Variants in ARHGEF28 observed in about 807,000 individuals in gnomAD.
The protein encoded by ARHGEF28 is Rho guanine nucleotide exchange factor 28, also known as 190 kDa guanine nucleotide exchange factor.
ARHGEF28 carries 152 observed loss-of-function variants against 206.6 expected under a neutral mutation model. That is an observed-to-expected ratio of 0.74 (90% CI 0.64 to 0.84). ARHGEF28 has a LOEUF of 0.84. ARHGEF28 is among the 40% of genes least tolerant of loss of function. The pLI, the probability that ARHGEF28 is intolerant of heterozygous loss-of-function variation, is 0.00. For synonymous variants in ARHGEF28, 763 were observed against 776.4 expected (o/e 0.98, Z 0.29); for missense variants, 2,028 against 2,073.2 (o/e 0.98, Z 0.42).
At chr5:73,853,430 A>G (rs1387002699) in intron 14 of ARHGEF28, among the ~76,000 whole-genome samples, 1 of 152,256 alleles carries the variant, frequency 6.6e-6, no homozygotes, top group Non-Finnish European at 1.5e-5. Flanking sequence ...TTTGAGATTA[A>G]TACTAAAACT....
At chr5:73,628,000 T>G (rs1276592159) in intron 1 of ARHGEF28, among the ~76,000 whole-genome samples, 1 of 151,600 alleles carries the variant, frequency 6.6e-6, no homozygotes, top group Non-Finnish European at 1.5e-5. Flanking sequence ...TTAAGCAGTT[T>G]ATAAACACTT....
At chr5:73,652,963 C>A (rs1478054860) in intron 1 of ARHGEF28, among the ~76,000 whole-genome samples, 1 of 152,188 alleles carries the variant, frequency 6.6e-6, no homozygotes, top group African/African-American at 2.4e-5. Flanking sequence ...GGAACTACTT[C>A]TTGGAAAGAA....
chr5:73,709,998 G>A (rs1414970005), intron 2 of ARHGEF28, among the ~76,000 whole-genome samples: 1 of 152,154 alleles, frequency 6.6e-6, no homozygotes, highest in African/African-American at 2.4e-5. Context: ...GGTTTTTCAT[G>A]CTTATGAATA....
At chr5:73,851,571 G>T (rs558512749) in intron 13 of ARHGEF28, among the ~76,000 whole-genome samples, 6 of 152,254 alleles carry the variant, frequency 3.9e-5, no homozygotes, top group Non-Finnish European at 8.8e-5. Context: ...CACCAAGGGG[G>T]ACAAAGGGGT....
chr5:73,899,453 G>C (rs1166483864), intron 30 of ARHGEF28: 1 of 152,250 alleles, frequency 6.6e-6, no homozygotes, highest in Non-Finnish European at 1.5e-5. Context: ...GACACCCGTG[G>C]CATTTGCCAG....
intron 2 of ARHGEF28, among the ~76,000 whole-genome samples, chr5:73,710,999 C>T (rs545042946): frequency 1.1e-4 from 17 of 152,266 alleles, no homozygotes; most frequent in South Asian, 2.1e-4. Flanking sequence ...CCACCGCTGT[C>T]GGCCTTAACA....
chr5:73,649,169 T>C (rs1244619082), intron 1 of ARHGEF28, among the ~76,000 whole-genome samples: 4 of 152,204 alleles, frequency 2.6e-5, no homozygotes, highest in Non-Finnish European at 4.4e-5. Context: ...GCTAAACAGA[T>C]TGACCTGCAC....
intron 35 of ARHGEF28, among the ~76,000 whole-genome samples, chr5:73,922,746 C>G (rs1446755239): frequency 1.3e-5 from 2 of 152,154 alleles, no homozygotes; most frequent in South Asian, 4.1e-4. Flanking sequence ...AAACTGAACC[C>G]TCTTTAAAGA....
At chr5:73,771,039 A>G (rs1753193322) in intron 4 of ARHGEF28, among the ~76,000 whole-genome samples, 1 of 152,240 alleles carries the variant, frequency 6.6e-6, no homozygotes, top group Non-Finnish European at 1.5e-5. Context: ...CTCCAGGTTC[A>G]ATGGTATTTA....
intron 1 of ARHGEF28, among the ~76,000 whole-genome samples, chr5:73,628,338 C>CA (rs940651790): frequency 6.6e-6 from 1 of 152,104 alleles, no homozygotes; most frequent in Non-Finnish European, 1.5e-5. Flanking sequence ...TATTGGTACC[C>CA]AAGCTCCAAC....
rs370241366 is a variant in ARHGEF28, at chr5:73,909,604, C to T, written c.4354C>T (p.Arg1452Trp). Reference protein sequence around the residue: ...QLQHQLQQEQRRWLRRCEQQQ... With the variant: ...QLQHQLQQEQWRWLRRCEQQQ... ...TCAGCACCAGCTCCAGCAGGAGCAGCGGCGCTGGCTGCGCAGGTGTGAGCA... is the reference window on the plus strand; with the variant it reads ...TCAGCACCAGCTCCAGCAGGAGCAGTGGCGCTGGCTGCGCAGGTGTGAGCA... The change falls in exon 34 of 36, where the codon CGG becomes TGG. Residue 1452 changes from arginine to tryptophan, a missense_variant. By Grantham distance (101) the Arg-to-Trp change is moderately radical (BLOSUM62 -3). Transcript: ENST00000513042. 11 of 1,554,536 alleles carry T rather than the reference C, an allele frequency of 7.1e-6. No homozygotes were observed. Among genetic ancestry groups the T allele is most frequent in the Admixed American group, 2.0e-5 (1 of 51,274 alleles).
intron 1 of ARHGEF28, among the ~76,000 whole-genome samples, chr5:73,649,497 A>G (rs1379722038): frequency 1.3e-5 from 2 of 152,360 alleles, no homozygotes; most frequent in East Asian, 3.9e-4. Context: ...CTGTAGCCAT[A>G]AGGTGGTTTG....
intron 2 of ARHGEF28, among the ~76,000 whole-genome samples, chr5:73,726,115 A>G (rs1337721543): frequency 6.6e-6 from 1 of 152,180 alleles, no homozygotes; most frequent in African/African-American, 2.4e-5. Flanking sequence ...CAAAGACCAT[A>G]TCCCTAAAAG....
At chr5:73,642,291 C>T (rs1388779590) in intron 1 of ARHGEF28, among the ~76,000 whole-genome samples, 2 of 152,186 alleles carry the variant, frequency 1.3e-5, no homozygotes, top group African/African-American at 4.8e-5. Flanking sequence ...ATCTGATTTG[C>T]ATAGTTTGTC....
rs765323541 is a variant in ARHGEF28, at chr5:73,712,231, T to C, written c.33+27347T>C. On this transcript the variant is annotated intron_variant, in intron 2 of 35. Transcript: ENST00000513042. The stretch of plus-strand genomic sequence containing the variant: ...TTATATTTATGTTCATGAGGACTAC[T>C]GATCTGTAGTTCTCTTGTAAAATCT... Among the ~76,000 whole-genome samples the C allele has an allele frequency of 2.0e-5, 3 of 152,344 alleles. No homozygotes were observed. In the East Asian group the frequency reaches 5.8e-4, roughly 29 times the overall value.
intron 9 of ARHGEF28, among the ~76,000 whole-genome samples, chr5:73,816,670 A>T (rs1756231353): frequency 6.6e-6 from 1 of 152,264 alleles, no homozygotes; most frequent in South Asian, 2.1e-4. Context: ...ATTCAAAAGT[A>T]TATCTAGTAC....
intron 35 of ARHGEF28, among the ~76,000 whole-genome samples, chr5:73,916,449 G>A (rs73762547): frequency 3.3e-5 from 5 of 152,126 alleles, no homozygotes; most frequent in Admixed American, 1.3e-4. Flanking sequence ...CAGTTCTGGA[G>A]GCTAGAATTA....
chr5:73,814,451 G>T (rs139640274), intron 9 of ARHGEF28, among the ~76,000 whole-genome samples: 106 of 152,188 alleles, frequency 7.0e-4, no homozygotes, highest in African/African-American at 2.5e-3. Flanking sequence ...GAAGTGCCCT[G>T]AGAAGCTGTT....
At chr5:73,789,060 A>T (rs1170702671) in intron 7 of ARHGEF28, among the ~76,000 whole-genome samples, 1 of 152,226 alleles carries the variant, frequency 6.6e-6, no homozygotes, top group Non-Finnish European at 1.5e-5. Context: ...AAAAACTTTT[A>T]CTTGAAAGAA....
Sources: allele counts gnomAD v4.1 joint callset (sites outside exome capture counted in the v4.1 genomes callset), GRCh38; gene constraint gnomAD v4.1.1; transcripts MANE v1.5; gene names NCBI Gene and HGNC (gene_info 2026-07-23, HGNC 2026-07-21).